TDRD7: variants seen among roughly 807,000 people sequenced by gnomAD.
TDRD7 encodes tudor domain containing 7, also known as tudor domain-containing protein 7.
In TDRD7, 47 loss-of-function variants were observed where a neutral mutation model predicts 109.8. The observed-to-expected ratio is 0.43, with a 90% CI of 0.34 to 0.55. The LOEUF is 0.55. Among genes scored for constraint, TDRD7 ranks in the 20% least tolerant of loss-of-function variants. The pLI, the probability that TDRD7 is intolerant of heterozygous loss-of-function variation, is 0.03. For synonymous variants in TDRD7, 424 were observed against 457.3 expected, an observed-to-expected ratio of 0.93 and a Z score of 0.93; for missense variants, 1,164 against 1,319.2, an observed-to-expected ratio of 0.88 and a Z score of 1.82.
chr9:97,443,753 G>A (rs1046997187), intron 6 of TDRD7, among the ~76,000 whole-genome samples: 6 of 152,142 alleles, frequency 3.9e-5, no homozygotes, highest in Non-Finnish European at 7.3e-5. Context: ...GGGGATACCT[G>A]TGCAGGTTTG....
chr9:97,440,054 T>A (rs987506261), intron 5 of TDRD7, among the ~76,000 whole-genome samples: 2 of 152,208 alleles, frequency 1.3e-5, no homozygotes, highest in African/African-American at 4.8e-5. Flanking sequence ...GCTTTTTTTT[T>A]TATAAGAACA....
At chr9:97,465,536 G>A (rs1027641279) in intron 8 of TDRD7, among the ~76,000 whole-genome samples, 2 of 152,108 alleles carry the variant, frequency 1.3e-5, no homozygotes, top group Admixed American at 1.3e-4. Context: ...GACTCTTCTG[G>A]GCTTGGCTAC....
intron 6 of TDRD7, among the ~76,000 whole-genome samples, chr9:97,450,658 G>T (rs1828475045): frequency 6.6e-6 from 1 of 152,120 alleles, no homozygotes; most frequent in African/African-American, 2.4e-5. Context: ...CTTTAGCAAG[G>T]TTCTTGTGGG....
chr9:97,425,301 A>G (rs113327871), intron 1 of TDRD7, among the ~76,000 whole-genome samples: 1 of 152,204 alleles, frequency 6.6e-6, no homozygotes, highest in Non-Finnish European at 1.5e-5. Flanking sequence ...GTTTTGGTCA[A>G]CAATGGACTG....
At position 97,496,049 on chromosome 9, in the gene TDRD7, C is replaced by G; in HGVS notation, c.*166C>G. 9.6e-6 allele frequency: 6 copies of G among 626,148 alleles called. No homozygotes were observed. The highest frequency in any genetic ancestry group is 1.7e-5 in the Non-Finnish European group (6 of 356,352). 38.8% of individuals were successfully genotyped at this position (626,148 alleles called of 1,614,324 possible). A position where few individuals can be genotyped will look rare whatever the true frequency, so the allele number is the denominator to read the frequency against. The stretch of plus-strand genomic sequence containing the variant: ...AGATATTTAACAAGTTTTGTTTTAA[C>G]AGAGTTGACTTTTCAAAGAAAATTG... On this transcript the variant is annotated 3_prime_UTR_variant, in exon 17 of 17. Coordinates refer to ENST00000355295, the MANE Select transcript of TDRD7 (RefSeq NM_014290.3).
intron 1 of TDRD7, among the ~76,000 whole-genome samples, chr9:97,424,909 A>T (rs1827961653): frequency 6.6e-6 from 1 of 150,572 alleles, no homozygotes; most frequent in African/African-American, 2.5e-5. Context: ...GTATTGTCTT[A>T]TTACATTTTA....
At chr9:97,474,905 A>G (rs143013919) in intron 11 of TDRD7, among the ~76,000 whole-genome samples, 1 of 152,280 alleles carries the variant, frequency 6.6e-6, no homozygotes, top group East Asian at 1.9e-4. Context: ...ATTTGTTGGT[A>G]TTTAACTGGC....
chr9:97,432,304 C>G (rs1246158366), intron 4 of TDRD7, 66 bp downstream of exon 4: 4 of 1,397,400 alleles, frequency 2.9e-6, no homozygotes, highest in Non-Finnish European at 4.1e-6. Context: ...AATGTATGTT[C>G]AGGTTAAGAA....
At chr9:97,453,753 G>A (rs1828550645) in intron 6 of TDRD7, among the ~76,000 whole-genome samples, 1 of 152,140 alleles carries the variant, frequency 6.6e-6, no homozygotes, top group Non-Finnish European at 1.5e-5. Flanking sequence ...TGCAATCCTA[G>A]TCTCTGACAA....
At chr9:97,421,863 T>C (rs1250040825) in intron 1 of TDRD7, among the ~76,000 whole-genome samples, 2 of 152,006 alleles carry the variant, frequency 1.3e-5, no homozygotes, top group East Asian at 3.9e-4. Context: ...GCCCAGCCAA[T>C]TTTTTCTTCT....
chr9:97,465,177 A>T, intron 8 of TDRD7, 149 bp downstream of exon 8: 1 of 1,054,976 alleles, frequency 9.5e-7, no homozygotes, highest in Non-Finnish European at 1.4e-6. Flanking sequence ...TAATATCTGT[A>T]AAAGGTTATC....
intron 4 of TDRD7, 132 bp downstream of exon 4, chr9:97,432,370 C>A: frequency 2.5e-6 from 2 of 784,738 alleles, no homozygotes; most frequent in Admixed American, 2.0e-5. Context: ...GCATCATTAC[C>A]AGTTAAGTTC....
intron 1 of TDRD7, among the ~76,000 whole-genome samples, chr9:97,415,732 G>T (rs1827800442): frequency 6.6e-6 from 1 of 152,218 alleles, no homozygotes; most frequent in Admixed American, 6.5e-5. Flanking sequence ...GGCGGAGGTT[G>T]CAGTGAGCCA....
At chr9:97,469,459 T>C (rs1033207320) in intron 8 of TDRD7, among the ~76,000 whole-genome samples, 3 of 152,262 alleles carry the variant, frequency 2.0e-5, no homozygotes, top group South Asian at 2.1e-4. Flanking sequence ...TTTTTTCCCT[T>C]AGATTCTCTG....
chr9:97,493,877 GCAGT>G (rs1829346532), intron 16 of TDRD7, among the ~76,000 whole-genome samples: 2 of 152,216 alleles, frequency 1.3e-5, no homozygotes, highest in Admixed American at 6.5e-5. Flanking sequence ...CGGCTTACTG[GCAGT>G]CAGAGTTTAA....
At chr9:97,494,238 A>G (rs935287571) in intron 16 of TDRD7, among the ~76,000 whole-genome samples, 3 of 152,232 alleles carry the variant, frequency 2.0e-5, no homozygotes, top group Non-Finnish European at 2.9e-5. Flanking sequence ...AATTTTCACA[A>G]TTTATGTTCT....
Position 97,480,860 on chromosome 9 carries a change from A to G in TDRD7, c.2334A>G (p.Gln778=), listed in dbSNP as rs1417100607. 4.3e-6 allele frequency: 7 copies of G among 1,614,050 alleles called. No individual in the cohort carries two copies. Among genetic ancestry groups the G allele is most frequent in the East Asian group, 2.2e-5 (1 of 44,872 alleles). The change falls in exon 14 of 17, where the codon CAA becomes CAG. Residue 778 remains glutamine (Q), a synonymous_variant. Transcript: ENST00000355295. ...AGTGCTGTTTAGCAGATCTTCCACA[A>G]TCTATTGGCATGTGGACACCAGATG... ...AIKCCLADLP[Q]SIGMWTPDAV...
intron 10 of TDRD7, among the ~76,000 whole-genome samples, chr9:97,473,043 G>A (rs1828950315): frequency 6.6e-6 from 1 of 152,106 alleles, no homozygotes; most frequent in African/African-American, 2.4e-5. Flanking sequence ...TTTGATTATG[G>A]TTTTTTAAAA....
chr9:97,425,434 A>C (rs1827970874), intron 1 of TDRD7, among the ~76,000 whole-genome samples: 1 of 152,216 alleles, frequency 6.6e-6, no homozygotes, highest in Non-Finnish European at 1.5e-5. Flanking sequence ...TCAGTATAGT[A>C]GCATGCTGTA....
Sources: gnomAD v4.1 joint callset for allele counts (sites outside exome capture counted in the v4.1 genomes callset) on GRCh38, gnomAD v4.1.1 for gene constraint, MANE v1.5 for transcripts, NCBI Gene and HGNC (gene_info 2026-07-23, HGNC 2026-07-21) for gene names.